The following HECW1 variants were observed in gnomAD, a reference collection of about 807,000 sequenced individuals.
The protein encoded by HECW1 is HECT, C2 and WW domain containing E3 ubiquitin protein ligase 1, also known as E3 ubiquitin-protein ligase HECW1.
Under a neutral mutation model 182.3 loss-of-function variants are expected in HECW1, and 61 were observed. That is an observed-to-expected ratio of 0.33 (90% CI 0.27 to 0.41). HECW1 has a LOEUF of 0.41. Among genes scored for constraint, HECW1 ranks in the 10% least tolerant of loss-of-function variants. The pLI is 1.00. For missense variants in HECW1, 1,739 were observed against 2,108.9 expected (o/e 0.82, Z 3.44); for synonymous variants, 859 against 832.6 (o/e 1.03, Z -0.55).
chr7:43,475,322 T>C (rs11975750), intron 16 of HECW1, among the ~76,000 whole-genome samples: 20,255 of 152,198 alleles, frequency 0.13, 2,629 homozygotes, highest in African/African-American at 0.34. Context: ...TAAGCACAAT[T>C]GTAAGAACAA....
intron 2 of HECW1, among the ~76,000 whole-genome samples, chr7:43,225,098 G>A (rs1189231098): frequency 6.6e-6 from 1 of 152,178 alleles, no homozygotes; most frequent in Admixed American, 6.5e-5. Flanking sequence ...TGACACATTG[G>A]AGGTTTGTCA....
intron 3 of HECW1, 98 bp downstream of exon 3, chr7:43,244,030 G>A (rs903086847): frequency 3.1e-5 from 30 of 975,162 alleles, no homozygotes; most frequent in Non-Finnish European, 3.8e-5. Context: ...GGGCCATTGC[G>A]GTTGCCCAGC....
intron 2 of HECW1, among the ~76,000 whole-genome samples, chr7:43,217,330 A>G (rs947224194): frequency 2.0e-5 from 3 of 152,246 alleles, no homozygotes; most frequent in Admixed American, 6.5e-5. Flanking sequence ...TGTATAAAAT[A>G]CACTTTGGGT....
chr7:43,275,168 T>A (rs1281733021), intron 3 of HECW1, among the ~76,000 whole-genome samples: 1 of 152,172 alleles, frequency 6.6e-6, no homozygotes, highest in Non-Finnish European at 1.5e-5. Context: ...ATTAAGAATA[T>A]CTTTAAAAAT....
chr7:43,352,645 G>A (rs1814613817), intron 5 of HECW1, among the ~76,000 whole-genome samples: 1 of 152,136 alleles, frequency 6.6e-6, no homozygotes, highest in Admixed American at 6.5e-5. Flanking sequence ...TTCCTTAGAT[G>A]TAAAATAAGA....
At chr7:43,217,505 A>G (rs1009342031) in intron 2 of HECW1, among the ~76,000 whole-genome samples, 2 of 152,202 alleles carry the variant, frequency 1.3e-5, no homozygotes, top group Non-Finnish European at 2.9e-5. Flanking sequence ...TCATTTGTAG[A>G]TGAATTGGGG....
chr7:43,230,812 G>C (rs1054432237), intron 2 of HECW1, among the ~76,000 whole-genome samples: 2 of 152,168 alleles, frequency 1.3e-5, no homozygotes, highest in Non-Finnish European at 2.9e-5. Flanking sequence ...TGGAGAATCT[G>C]AGTGAAATAT....
At chr7:43,399,557 T>C (rs1270005367) in intron 7 of HECW1, among the ~76,000 whole-genome samples, 1 of 152,224 alleles carries the variant, frequency 6.6e-6, no homozygotes, top group Non-Finnish European at 1.5e-5. Context: ...AGGAATGCCA[T>C]GCATGGTGAG....
intron 5 of HECW1, among the ~76,000 whole-genome samples, chr7:43,333,025 C>T (rs994033294): frequency 1.3e-5 from 2 of 152,132 alleles, no homozygotes; most frequent in African/African-American, 4.8e-5. Context: ...GCCAATAGAC[C>T]AAAGTAGGCC....
At chr7:43,494,069 C>T (rs1003751299) in intron 19 of HECW1, among the ~76,000 whole-genome samples, 2 of 152,188 alleles carry the variant, frequency 1.3e-5, no homozygotes, top group African/African-American at 4.8e-5. Flanking sequence ...CCGACTTCCT[C>T]GGGGAATCAC....
At chr7:43,169,036 T>A (rs1047007817) in intron 2 of HECW1, among the ~76,000 whole-genome samples, 4 of 152,230 alleles carry the variant, frequency 2.6e-5, no homozygotes, top group African/African-American at 9.6e-5. Flanking sequence ...TAAATTGTTT[T>A]ACCAGGAGAA....
intron 24 of HECW1, among the ~76,000 whole-genome samples, chr7:43,510,415 C>T (rs1220260104): frequency 6.6e-6 from 1 of 152,162 alleles, no homozygotes. Flanking sequence ...TAAGACTATG[C>T]TGGATAGCAT....
rs550549498 is a variant in HECW1 at position 43,478,703 on chromosome 7, G to T, written c.3100-907G>T. On this transcript the variant is annotated intron_variant, in intron 16 of 29. Transcript: ENST00000395891. ...GGAGGAAAAAATCAAAATTTTTTTT[G>T]ATTTGGGGTGATTTTTATTATCTTC... Among the ~76,000 whole-genome samples the T allele has an allele frequency of 1.3e-4, 19 of 151,744 alleles. No homozygotes were observed. The South Asian group carries it at 2.5e-3, about 20-fold the overall frequency.
At chr7:43,347,059 T>C (rs1813779407) in intron 5 of HECW1, among the ~76,000 whole-genome samples, 1 of 152,196 alleles carries the variant, frequency 6.6e-6, no homozygotes, top group Non-Finnish European at 1.5e-5. Context: ...GGGGATTGCA[T>C]TGAATTTGTA....
chr7:43,199,223 G>C (rs978763828), intron 2 of HECW1, among the ~76,000 whole-genome samples: 2 of 152,150 alleles, frequency 1.3e-5, no homozygotes, highest in Non-Finnish European at 2.9e-5. Flanking sequence ...TTAGCTCTCC[G>C]TTCAACTCAC....
chr7:43,542,294 TG>T (rs1221601107), intron 26 of HECW1, among the ~76,000 whole-genome samples: 3 of 152,176 alleles, frequency 2.0e-5, no homozygotes, highest in Non-Finnish European at 4.4e-5. Flanking sequence ...ATACAATATT[TG>T]TTTTTTTGTG....
At chr7:43,372,229 G>T (rs192395035) in intron 6 of HECW1, among the ~76,000 whole-genome samples, 1 of 152,166 alleles carries the variant, frequency 6.6e-6, no homozygotes, top group Non-Finnish European at 1.5e-5. Context: ...TCCAGGAAAG[G>T]ATAACAAGAA....
intron 5 of HECW1, among the ~76,000 whole-genome samples, chr7:43,325,838 C>A (rs1810699046): frequency 6.6e-6 from 1 of 152,164 alleles, no homozygotes; most frequent in African/African-American, 2.4e-5. Flanking sequence ...GGATGCACAC[C>A]CAGATTGCTG....
At chr7:43,453,166 G>A (rs1441911818) in intron 12 of HECW1, among the ~76,000 whole-genome samples, 1 of 152,144 alleles carries the variant, frequency 6.6e-6, no homozygotes, top group African/African-American at 2.4e-5. Flanking sequence ...TGCTGTGTAG[G>A]GAATAAATTG....
Sources: allele counts gnomAD v4.1 joint callset (sites outside exome capture counted in the v4.1 genomes callset), GRCh38; gene constraint gnomAD v4.1.1; transcripts MANE v1.5; gene names NCBI Gene and HGNC (gene_info 2026-07-23, HGNC 2026-07-21).